The following PPP2R2B variants were observed in gnomAD, a reference collection of about 807,000 sequenced individuals.
PPP2R2B encodes the protein serine/threonine-protein phosphatase 2A 55 kDa regulatory subunit B beta isoform.
A neutral mutation model predicts 46.0 loss-of-function variants in PPP2R2B; 5 were observed. The observed-to-expected ratio is 0.11, with a 90% CI of 0.06 to 0.23. PPP2R2B has a LOEUF of 0.23. Ranked by LOEUF, PPP2R2B falls within the 10% of genes least tolerant of loss-of-function variation. PPP2R2B has a pLI of 1.00. For missense variants in PPP2R2B, 367 were observed against 575.0 expected, an observed-to-expected ratio of 0.64 and a Z score of 3.70; for synonymous variants, 215 against 206.7, an observed-to-expected ratio of 1.04 and a Z score of -0.34.
chr5:146,842,780 C>T (rs1168911072), intron 2 of PPP2R2B, among the ~76,000 whole-genome samples: 1 of 152,186 alleles, frequency 6.6e-6, no homozygotes, highest in Non-Finnish European at 1.5e-5. Context: ...CTAGGGATAA[C>T]GGCCTCCTTA....
chr5:146,947,814 G>T (rs1195518808), intron 1 of PPP2R2B, among the ~76,000 whole-genome samples: 1 of 151,638 alleles, frequency 6.6e-6, no homozygotes, highest in Non-Finnish European at 1.5e-5. Context: ...GCAACCCTGT[G>T]TTCTCATGAG....
intron 1 of PPP2R2B, among the ~76,000 whole-genome samples, chr5:147,031,919 T>C (rs1755805476): frequency 6.6e-6 from 1 of 152,130 alleles, no homozygotes; most frequent in Admixed American, 6.5e-5. Context: ...CAAGCTAAAC[T>C]GAAGACCTGA....
At chr5:146,698,318 ATATATATATATATAT>A (rs1350010358) in intron 3 of PPP2R2B, among the ~76,000 whole-genome samples, 174 bp from the exon 4 acceptor site, 2 of 55,698 alleles carry the variant, frequency 3.6e-5, no homozygotes, top group African/African-American at 1.7e-4. Context: ...AAAAAAAAAA[ATATATATATATATAT>A]ATATATATAT....
At chr5:146,835,044 G>T (rs1759196349) in intron 2 of PPP2R2B, among the ~76,000 whole-genome samples, 1 of 152,086 alleles carries the variant, frequency 6.6e-6, no homozygotes, top group Non-Finnish European at 1.5e-5. Flanking sequence ...CACCTAGATT[G>T]ATTCTGGGTC....
At chr5:146,992,063 C>A (rs1234156210) in intron 1 of PPP2R2B, among the ~76,000 whole-genome samples, 1 of 151,934 alleles carries the variant, frequency 6.6e-6, no homozygotes, top group Admixed American at 6.6e-5. Context: ...TCCCAAATAG[C>A]CAAGACAATC....
chr5:147,067,479 G>C (rs1757448760), intron 2 of PPP2R2B, among the ~76,000 whole-genome samples: 1 of 152,156 alleles, frequency 6.6e-6, no homozygotes, highest in Non-Finnish European at 1.5e-5. Flanking sequence ...TGTCACAAAT[G>C]ACAGGCTTTC....
intron 1 of PPP2R2B, among the ~76,000 whole-genome samples, chr5:146,948,020 C>A (rs779496169): frequency 1.3e-5 from 2 of 151,718 alleles, no homozygotes; most frequent in Non-Finnish European, 2.9e-5. Flanking sequence ...AAGCCAAGTT[C>A]TCTTCATTCA....
intron 1 of PPP2R2B, among the ~76,000 whole-genome samples, chr5:147,038,746 A>G (rs544690438): frequency 6.6e-6 from 1 of 152,302 alleles, no homozygotes; most frequent in Non-Finnish European, 1.5e-5. Context: ...ATGGCAAACA[A>G]GGCACAGTAA....
At chr5:146,751,261 C>T (rs1180695710) in intron 2 of PPP2R2B, 2 of 152,228 alleles carry the variant, frequency 1.3e-5, no homozygotes, top group Non-Finnish European at 2.9e-5. Context: ...GTGCAGAGCT[C>T]TACTTCCGGG....
chr5:146,723,110 C>T (rs1446004094), intron 2 of PPP2R2B, among the ~76,000 whole-genome samples: 1 of 152,186 alleles, frequency 6.6e-6, no homozygotes, highest in Admixed American at 6.5e-5. Context: ...GCATTTATTA[C>T]ACCGTAAGGT....
At chr5:146,625,850 T>A (rs1025812284) in intron 7 of PPP2R2B, among the ~76,000 whole-genome samples, 1 of 152,026 alleles carries the variant, frequency 6.6e-6, no homozygotes, top group Non-Finnish European at 1.5e-5. Flanking sequence ...CCCAGCGTAA[T>A]CACAAAGGTC....
At chr5:146,781,701 C>A (rs1409072458) in intron 2 of PPP2R2B, among the ~76,000 whole-genome samples, 8 of 152,058 alleles carry the variant, frequency 5.3e-5, no homozygotes, top group Non-Finnish European at 1.0e-4. Flanking sequence ...TAGCCCACCA[C>A]CACATTTCAC....
intron 2 of PPP2R2B, among the ~76,000 whole-genome samples, chr5:146,837,764 T>C (rs1186736386): frequency 1.3e-5 from 2 of 152,188 alleles, no homozygotes; most frequent in Admixed American, 6.5e-5. Flanking sequence ...TCAAATGAAA[T>C]AGCAACATTT....
chr5:146,975,874 TTG>T (rs1752877156), intron 1 of PPP2R2B, among the ~76,000 whole-genome samples: 1 of 152,104 alleles, frequency 6.6e-6, no homozygotes, highest in Non-Finnish European at 1.5e-5. Flanking sequence ...ATTCTGCATA[TTG>T]ATCCCTTATC....
Position 146,584,425 on chromosome 5 carries a change from C to G in PPP2R2B, c.*5522G>C, listed in dbSNP as rs1304871602. Reference sequence around the variant, plus strand: ...GCAATATTTAGTCACAGAGAAATGGCGTGTTTGTGAGTATCCACGCTAGGG... The same window carrying G: ...GCAATATTTAGTCACAGAGAAATGGGGTGTTTGTGAGTATCCACGCTAGGG... On this transcript the variant is annotated 3_prime_UTR_variant, in exon 10 of 10. Coordinates refer to ENST00000394411, the MANE Select transcript of PPP2R2B (RefSeq NM_181675.4). 1 of 152,104 alleles carries G rather than the reference C, an allele frequency of 6.6e-6. No homozygotes were observed. Among genetic ancestry groups the G allele is most frequent in the African/African-American group, 2.4e-5 (1 of 41,416 alleles). The allele number at this position is 152,104 out of a possible 1,614,324, so 9.4% of individuals were successfully genotyped here.
At chr5:146,756,091 G>A (rs1753813859) in intron 2 of PPP2R2B, among the ~76,000 whole-genome samples, 1 of 152,194 alleles carries the variant, frequency 6.6e-6, no homozygotes. Flanking sequence ...ATGATGGGAA[G>A]GAACAAACCA....
intron 1 of PPP2R2B, among the ~76,000 whole-genome samples, chr5:146,995,559 G>T (rs1456776638): frequency 6.6e-6 from 1 of 152,150 alleles, no homozygotes; most frequent in African/African-American, 2.4e-5. Flanking sequence ...AAATGGAAAA[G>T]AAATAAAGGT....
chr5:146,593,081 G>T lies in PPP2R2B; in HGVS notation c.961-19C>A. 1 of 1,560,784 alleles carries T rather than the reference G, an allele frequency of 6.4e-7. No individual in the cohort carries two copies. The highest frequency in any genetic ancestry group is 8.8e-7 in the Non-Finnish European group (1 of 1,131,548). On this transcript the variant is annotated intron_variant, in intron 8 of 9. Transcript: ENST00000394411. ...CATGAACCTGGAGAGGAAACATATC[G>T]AGAAGGTCAGTTATTATTTTAAACA...
rs1383512554 is a variant in PPP2R2B, at chr5:146,616,441, C to G, written c.791-15981G>C. 5.9e-5 allele frequency among the ~76,000 whole-genome samples: 9 copies of G among 151,944 alleles called. No homozygotes were observed. The South Asian group carries it at 1.5e-3, about 25-fold the overall frequency. On this transcript the variant is annotated intron_variant, in intron 7 of 9. Coordinates refer to ENST00000394411, the MANE Select transcript of PPP2R2B (RefSeq NM_181675.4). The stretch of plus-strand genomic sequence containing the variant: ...AGGAAACAGTCAACAAAATGAAAAC[C>G]CATAGGATGAGGGAAAATATTTGCA...
Sources: allele counts gnomAD v4.1 joint callset (sites outside exome capture counted in the v4.1 genomes callset), GRCh38; gene constraint gnomAD v4.1.1; transcripts MANE v1.5; gene names NCBI Gene and HGNC (gene_info 2026-07-23, HGNC 2026-07-21).